FBXO27: variants seen among roughly 807,000 people sequenced by gnomAD.
FBXO27 encodes F-box protein 27.
FBXO27 carries 28 observed loss-of-function variants against 28.3 expected under a neutral mutation model. The ratio of observed to expected loss-of-function variants is 0.99; its 90% CI spans 0.73 to 1.36. The LOEUF (loss-of-function observed/expected upper bound fraction) is 1.36. FBXO27 is among the 40% of genes most tolerant of loss of function. The pLI is 0.00. For synonymous variants in FBXO27, 175 were observed against 167.3 expected (o/e 1.05, Z -0.36); for missense variants, 388 against 394.1 (o/e 0.98, Z 0.13).
At chr19:39,019,699 T>C (rs1334520097), downstream of FBXO27, among the ~76,000 whole-genome samples, 1 of 151,920 alleles carries the variant, frequency 6.6e-6, no homozygotes, top group African/African-American at 2.4e-5. Flanking sequence ...AATGAGAAAA[T>C]CATTGAGGAG....
intron 5 of FBXO27, among the ~76,000 whole-genome samples, chr19:39,025,860 C>CA (rs2072870540): frequency 6.6e-6 from 1 of 151,868 alleles, no homozygotes; most frequent in Non-Finnish European, 1.5e-5. Context: ...ACTAAAAATA[C>CA]AAAAAATATT....
chr19:39,015,352 T>A (rs899749029), intron 1 of FBXO27, among the ~76,000 whole-genome samples: 6 of 128,914 alleles, frequency 4.7e-5, no homozygotes, highest in Admixed American at 8.4e-5. Flanking sequence ...AAAAAAAGGC[T>A]GAGTGTGGTG....
downstream of FBXO27, among the ~76,000 whole-genome samples, chr19:39,021,228 C>T (rs933359008): frequency 1.3e-5 from 2 of 152,058 alleles, no homozygotes; most frequent in East Asian, 1.9e-4. Flanking sequence ...TAAAGCAAAC[C>T]GTGGAAGAAG....
At chr19:39,011,182 G>A (rs2072792272) in intron 2 of FBXO27, among the ~76,000 whole-genome samples, 1 of 152,252 alleles carries the variant, frequency 6.6e-6, no homozygotes, top group Non-Finnish European at 1.5e-5. Context: ...AGTAATCCCA[G>A]CACTTTGGGA....
chr19:39,029,071 T>C (rs937492757), intron 4 of FBXO27, among the ~76,000 whole-genome samples: 9 of 150,610 alleles, frequency 6.0e-5, no homozygotes, highest in South Asian at 2.1e-4. Flanking sequence ...AAAAATCTTA[T>C]TGGAGATGTA....
Position 39,025,129 on chromosome 19 carries a change from C to T in FBXO27, c.*282G>A, listed in dbSNP as rs2072865231. The stretch of plus-strand genomic sequence containing the variant: ...GAGAGGGGAGGGCAAGAATTCTTCT[C>T]CAGGATGGGCATTCCCCCATGCTCA... On this transcript the variant is annotated 3_prime_UTR_variant, in exon 6 of 6. Transcript: ENST00000292853. The T allele has an allele frequency of 2.8e-6, 1 of 356,206 alleles. No homozygotes were observed. Among genetic ancestry groups the T allele is most frequent in the Non-Finnish European group, 5.1e-6 (1 of 197,122 alleles). 22.1% of individuals were successfully genotyped at this position (356,206 alleles called of 1,614,324 possible). A position where few individuals can be genotyped will look rare whatever the true frequency, so the allele number is the denominator to read the frequency against.
chr19:39,017,511 T>C (rs1245823164), intron 1 of FBXO27, among the ~76,000 whole-genome samples: 1 of 152,028 alleles, frequency 6.6e-6, no homozygotes, highest in Non-Finnish European at 1.5e-5. Flanking sequence ...ACAGCCAACA[T>C]AGTGAAACCC....
intron 2 of FBXO27, among the ~76,000 whole-genome samples, chr19:39,011,480 A>C (rs1341179538): frequency 6.6e-6 from 1 of 152,160 alleles, no homozygotes; most frequent in Non-Finnish European, 1.5e-5. Context: ...CTGTAGATCA[A>C]TTTAGGGAGT....
At chr19:39,014,084 G>A (rs2072808493) in intron 2 of FBXO27, among the ~76,000 whole-genome samples, 3 of 152,220 alleles carry the variant, frequency 2.0e-5, no homozygotes, top group South Asian at 4.1e-4. Flanking sequence ...CATCCATGAT[G>A]TTTTCAGTTT....
chr19:39,028,660 C>T (rs1375380402), intron 4 of FBXO27, among the ~76,000 whole-genome samples: 3 of 152,036 alleles, frequency 2.0e-5, no homozygotes, highest in South Asian at 2.1e-4. Flanking sequence ...GTCAGGAGTT[C>T]GAGGCCAGCC....
rs1284817892 is a variant in FBXO27, at chr19:39,026,992, G to A, written c.586C>T (p.His196Tyr). Residue 196 changes from histidine to tyrosine, a missense_variant, in exon 5 of 6, where the codon CAC (histidine) becomes TAC (tyrosine). His to Tyr is a moderately conservative substitution (Grantham distance 83). Coordinates refer to ENST00000292853, the MANE Select transcript of FBXO27 (RefSeq NM_178820.5). ...AGTCTGTACATACAGCCGCTGTCGT[G>A]TCGGGCTCCCCACCTGTGGGAGGAA... ...ICVSDWWGARHDSGCMYRLLV... is the reference protein window; with the variant it reads ...ICVSDWWGARYDSGCMYRLLV... 6.2e-7 allele frequency: 1 copy of A among 1,614,156 alleles called. No homozygotes were observed. Among genetic ancestry groups the A allele is most frequent in the East Asian group, 2.2e-5 (1 of 44,882 alleles).
At chr19:39,020,540 A>T (rs984567146), downstream of FBXO27, among the ~76,000 whole-genome samples, 1 of 152,106 alleles carries the variant, frequency 6.6e-6, no homozygotes, top group Non-Finnish European at 1.5e-5. Flanking sequence ...GACTGTCAAC[A>T]CTATGGAAGA....
In FBXO27 at chr19:39,032,186, G is replaced by C; in HGVS notation, c.42C>G (p.Pro14=). The C allele has an allele frequency of 3.3e-6, 5 of 1,493,204 alleles. No individual in the cohort carries two copies. Among genetic ancestry groups the C allele is most frequent in the Non-Finnish European group, 4.4e-6 (5 of 1,125,778 alleles). 92.5% of individuals were successfully genotyped at this position (1,493,204 alleles called of 1,614,324 possible). A position where few individuals can be genotyped will look rare whatever the true frequency, so the allele number is the denominator to read the frequency against. The change falls in exon 2 of 6, where the codon CCC becomes CCG. Residue 14 remains proline, a synonymous_variant. Transcript: ENST00000292853. The surrounding 1 kb of genome is among the most constrained non-coding windows in gnomAD (Gnocchi z 4.7). ...CCTCTTCGGGTTCCGGCTCCGGCGC[G>C]GGGACCCGGGCGGCCCGGCCCCTGG... ...SVSRGRAARV[P]APEPEPEEAL... is the part of the protein sequence containing the mutation.
chr19:39,009,789 T>TG, intron 2 of FBXO27, among the ~76,000 whole-genome samples: 1 of 151,916 alleles, frequency 6.6e-6, no homozygotes, highest in African/African-American at 2.4e-5. Flanking sequence ...ACAAAAGTTG[T>TG]GGGGTTTTTT....
intron 2 of FBXO27, among the ~76,000 whole-genome samples, chr19:39,011,161 T>C (rs1333011561): frequency 6.6e-6 from 1 of 152,240 alleles, no homozygotes; most frequent in Non-Finnish European, 1.5e-5. Context: ...CCGGGTGCAG[T>C]GGCTCACGCC....
intron 2 of FBXO27, 58 bp from the exon 3 acceptor site, chr19:39,031,378 T>G (rs2072902495): frequency 3.9e-6 from 6 of 1,526,166 alleles, no homozygotes; most frequent in Non-Finnish European, 5.4e-6. Context: ...TGGTTCCTAG[T>G]GAGACCCCGC....
intron 1 of FBXO27, among the ~76,000 whole-genome samples, chr19:39,018,724 C>T (rs544568476): frequency 1.3e-5 from 2 of 152,210 alleles, no homozygotes; most frequent in East Asian, 1.9e-4. Context: ...ACAGTTATGC[C>T]GGCAAGCAGG....
At chr19:39,009,760 T>G (rs2144880081) in intron 2 of FBXO27, among the ~76,000 whole-genome samples, 1 of 152,262 alleles carries the variant, frequency 6.6e-6, no homozygotes, top group South Asian at 2.1e-4. Flanking sequence ...TTTCATTATT[T>G]GGTTGTGTCC....
chr19:39,029,498 G>A (rs2072891078), intron 4 of FBXO27, among the ~76,000 whole-genome samples: 1 of 150,964 alleles, frequency 6.6e-6, no homozygotes, highest in East Asian at 1.9e-4. Context: ...TGGCTCCCCA[G>A]TAGTCCTTAC....
Sources: allele counts gnomAD v4.1 joint callset (sites outside exome capture counted in the v4.1 genomes callset), GRCh38; gene constraint gnomAD v4.1.1; non-coding constraint Gnocchi (gnomAD v3.1); transcripts MANE v1.5; gene names NCBI Gene and HGNC (gene_info 2026-07-23, HGNC 2026-07-21).